STAU2: variants seen among roughly 807,000 people sequenced by gnomAD.
STAU2 encodes double-stranded RNA-binding protein Staufen homolog 2.
A neutral mutation model predicts 65.9 loss-of-function variants in STAU2; 20 were observed. The ratio of observed to expected loss-of-function variants is 0.30; its 90% CI spans 0.21 to 0.44. STAU2 has a LOEUF of 0.44. Ranked by LOEUF, STAU2 falls within the 20% of genes least tolerant of loss-of-function variation. The pLI is 1.00. For missense variants in STAU2, 558 were observed against 683.9 expected (o/e 0.82, Z 2.05); for synonymous variants, 232 against 233.9 (o/e 0.99, Z 0.07).
rs968820906 is a variant in STAU2 at position 73,425,796 on chromosome 8, T to TC, written c.1531-3095dup. ...GTCTTTCCATATCACTTGTTTTTTT[T>TC]CTCTCTTTTTTTTTGAGATGGAGTC... is the stretch of plus-strand genomic sequence containing the variant. On this transcript the variant is annotated intron_variant, in intron 13 of 14. Coordinates refer to ENST00000524300, the MANE Select transcript of STAU2 (RefSeq NM_001164380.2). 3.3e-5 allele frequency among the ~76,000 whole-genome samples: 5 copies of TC among 152,124 alleles called. No individual in the cohort carries two copies. The South Asian group carries it at 6.2e-4, about 19-fold the overall frequency.
intron 6 of STAU2, among the ~76,000 whole-genome samples, chr8:73,638,922 A>G (rs552799788): frequency 9.2e-5 from 14 of 152,094 alleles, no homozygotes; most frequent in African/African-American, 3.1e-4. Flanking sequence ...TCAGTGTTGC[A>G]ACAGAAATAG....
At chr8:73,512,309 G>C (rs1433627198) in intron 13 of STAU2, among the ~76,000 whole-genome samples, 1 of 152,196 alleles carries the variant, frequency 6.6e-6, no homozygotes, top group Non-Finnish European at 1.5e-5. Context: ...TTTTGACAGG[G>C]ATTGTATTAA....
chr8:73,459,940 C>G (rs944064914), intron 13 of STAU2, among the ~76,000 whole-genome samples: 1 of 152,178 alleles, frequency 6.6e-6, no homozygotes, highest in Non-Finnish European at 1.5e-5. Context: ...CAGCCCCAGC[C>G]GTGAATACAC....
At chr8:73,727,487 G>A (rs1563532847) in intron 3 of STAU2, among the ~76,000 whole-genome samples, 1 of 152,182 alleles carries the variant, frequency 6.6e-6, no homozygotes, top group Non-Finnish European at 1.5e-5. Flanking sequence ...GACCATTTGT[G>A]TGTGTCTTCT....
chr8:73,545,464 T>C (rs918681527), intron 13 of STAU2, among the ~76,000 whole-genome samples: 1 of 152,174 alleles, frequency 6.6e-6, no homozygotes, highest in Non-Finnish European at 1.5e-5. Context: ...TATATTAAGA[T>C]GGCAGAACTT....
At chr8:73,540,076 A>T (rs941966857) in intron 13 of STAU2, among the ~76,000 whole-genome samples, 1 of 152,186 alleles carries the variant, frequency 6.6e-6, no homozygotes, top group African/African-American at 2.4e-5. Flanking sequence ...ATATACAGTG[A>T]GATGAACAGT....
At chr8:73,667,888 T>C (rs553614213) in intron 6 of STAU2, among the ~76,000 whole-genome samples, 61 of 152,312 alleles carry the variant, frequency 4.0e-4, no homozygotes, top group African/African-American at 1.4e-3. Context: ...GCATCAGAAC[T>C]AGGAACTGAA....
intron 13 of STAU2, chr8:73,511,771 T>G (rs997526969): frequency 6.6e-6 from 1 of 152,240 alleles, no homozygotes; most frequent in African/African-American, 2.4e-5. Context: ...TAAAGTCCAA[T>G]TTACCAATTT....
chr8:73,734,902 G>GT (rs1475418597), intron 3 of STAU2, among the ~76,000 whole-genome samples: 1 of 152,078 alleles, frequency 6.6e-6, no homozygotes, highest in African/African-American at 2.4e-5. Flanking sequence ...AAATCACGTA[G>GT]TAAAAATCTC....
intron 13 of STAU2, among the ~76,000 whole-genome samples, chr8:73,456,197 C>G (rs780112319): frequency 6.6e-6 from 1 of 152,130 alleles, no homozygotes; most frequent in Admixed American, 6.5e-5. Flanking sequence ...GAAAGTCAAA[C>G]GGAATAAATA....
At chr8:73,461,517 A>G (rs1423226879) in intron 13 of STAU2, among the ~76,000 whole-genome samples, 1 of 152,092 alleles carries the variant, frequency 6.6e-6, no homozygotes, top group African/African-American at 2.4e-5. Flanking sequence ...TAGAGTCATA[A>G]GTAACATGGC....
chr8:73,667,355 G>A (rs144125187), intron 6 of STAU2, among the ~76,000 whole-genome samples: 11 of 152,062 alleles, frequency 7.2e-5, no homozygotes, highest in Non-Finnish European at 1.3e-4. Flanking sequence ...TCCAAACCTC[G>A]TGGCATGGAC....
chr8:73,464,611 C>A (rs1210568365), intron 13 of STAU2, among the ~76,000 whole-genome samples: 1 of 152,192 alleles, frequency 6.6e-6, no homozygotes, highest in East Asian at 1.9e-4. Context: ...CACACACACA[C>A]ACACACACAC....
rs556352729 is a variant in STAU2 at position 73,445,086 on chromosome 8, G to A, written c.1531-22384C>T. Among the ~76,000 whole-genome samples the A allele has an allele frequency of 1.8e-4, 28 of 152,324 alleles. No homozygotes were observed. The South Asian group carries it at 4.3e-3, about 24-fold the overall frequency. On this transcript the variant is annotated intron_variant, in intron 13 of 14. Transcript: ENST00000524300. ...CATGAATAAAAAGAGAGCCAAACTC[G>A]AACCAGACGTCCTTATCAGCCAAGA...
chr8:73,617,536 A>G, intron 6 of STAU2, 85 bp from the exon 7 acceptor site: 1 of 1,321,612 alleles, frequency 7.6e-7, no homozygotes. Context: ...AATGATACCA[A>G]TTATATAATG....
chr8:73,723,698 C>T (rs7014208), intron 3 of STAU2, among the ~76,000 whole-genome samples: 49,503 of 152,026 alleles, frequency 0.33, 9,475 homozygotes, highest in African/African-American at 0.52. Flanking sequence ...GTTTTCATCA[C>T]TGTAAGTCTG....
In STAU2 at chr8:73,591,572, A is replaced by G. The variant is rs566861789; in HGVS notation, c.1161+3594T>C. ...AAATAAAACTGGAGTAGCTATATTAATATCAAACAAAACAGATTTCAGAAC... is the reference window on the plus strand; with the variant it reads ...AAATAAAACTGGAGTAGCTATATTAGTATCAAACAAAACAGATTTCAGAAC... On this transcript the variant is annotated intron_variant, in intron 11 of 14. Transcript: ENST00000524300. Among the ~76,000 whole-genome samples the G allele has an allele frequency of 5.4e-4, 82 of 152,306 alleles. 1 individual carries two copies. Among genetic ancestry groups the G allele is most frequent in the African/African-American group, 7.5e-4 (31 of 41,578 alleles).
chr8:73,449,190 G>A (rs968184500), intron 13 of STAU2, among the ~76,000 whole-genome samples: 14 of 152,228 alleles, frequency 9.2e-5, no homozygotes, highest in African/African-American at 3.4e-4. Flanking sequence ...ATCTGCTGGG[G>A]CCGTCGCAGC....
chr8:73,657,584 T>C (rs73330888), intron 6 of STAU2, among the ~76,000 whole-genome samples: 210 of 152,356 alleles, frequency 1.4e-3, no homozygotes, highest in Non-Finnish European at 2.4e-3. Context: ...TTAGAAGGTA[T>C]ATATTATTAC....
Sources: gnomAD v4.1 joint callset for allele counts (sites outside exome capture counted in the v4.1 genomes callset) on GRCh38, gnomAD v4.1.1 for gene constraint, MANE v1.5 for transcripts, NCBI Gene and HGNC (gene_info 2026-07-23, HGNC 2026-07-21) for gene names.